The following RABGAP1L variants were observed in gnomAD, a reference collection of about 807,000 sequenced individuals.
RABGAP1L encodes the protein RAB GTPase activating protein 1 like, also known as rab GTPase-activating protein 1-like.
In RABGAP1L, 63 loss-of-function variants were observed where a neutral mutation model predicts 137.7. The ratio of observed to expected loss-of-function variants is 0.46; its 90% CI spans 0.37 to 0.56. The LOEUF is 0.56. RABGAP1L is among the 20% of genes least tolerant of loss of function. RABGAP1L has a pLI of 0.00. For missense variants in RABGAP1L, 1,095 were observed against 1,244.0 expected (o/e 0.88, Z 1.80); for synonymous variants, 431 against 433.7 (o/e 0.99, Z 0.08).
At chr1:174,500,986 T>C (rs1661209117) in intron 13 of RABGAP1L, among the ~76,000 whole-genome samples, 2 of 152,164 alleles carry the variant, frequency 1.3e-5, no homozygotes, top group South Asian at 4.1e-4. Flanking sequence ...ATTGCCTTAA[T>C]TGAGTAGAAG....
At chr1:174,872,933 A>C (rs1652437871) in intron 19 of RABGAP1L, among the ~76,000 whole-genome samples, 1 of 152,160 alleles carries the variant, frequency 6.6e-6, no homozygotes, top group Non-Finnish European at 1.5e-5. Flanking sequence ...GTTTGCATAG[A>C]GTTACCTAGG....
chr1:174,943,927 T>C (rs568443378), intron 19 of RABGAP1L, among the ~76,000 whole-genome samples: 4 of 152,234 alleles, frequency 2.6e-5, no homozygotes, highest in Admixed American at 2.0e-4. Context: ...ACATAGTAAA[T>C]AGTAAATAAA....
chr1:174,671,706 T>C (rs969509357), intron 14 of RABGAP1L, among the ~76,000 whole-genome samples: 1 of 152,174 alleles, frequency 6.6e-6, no homozygotes, highest in African/African-American at 2.4e-5. Flanking sequence ...TTTGGCTTAT[T>C]AGTATTTTGT....
At chr1:174,315,530 A>G (rs957577844) in intron 11 of RABGAP1L, among the ~76,000 whole-genome samples, 6 of 151,154 alleles carry the variant, frequency 4.0e-5, no homozygotes, top group African/African-American at 1.5e-4. Flanking sequence ...TACTTCTGCC[A>G]TTTTGTAATT....
chr1:174,218,712 A>G (rs764807364), intron 1 of RABGAP1L, among the ~76,000 whole-genome samples: 4 of 152,090 alleles, frequency 2.6e-5, no homozygotes, highest in Non-Finnish European at 5.9e-5. Flanking sequence ...TTTAGATTTA[A>G]TTAATATAGC....
chr1:174,510,864 G>A (rs1037938428), intron 13 of RABGAP1L, among the ~76,000 whole-genome samples: 2 of 152,142 alleles, frequency 1.3e-5, no homozygotes, highest in Non-Finnish European at 2.9e-5. Flanking sequence ...ATACTAATTA[G>A]TTGATTTTCA....
intron 17 of RABGAP1L, among the ~76,000 whole-genome samples, chr1:174,702,476 A>G (rs983551934): frequency 1.4e-4 from 21 of 152,182 alleles, no homozygotes; most frequent in Non-Finnish European, 7.3e-5. Context: ...TACAAAGTAA[A>G]ATGGGTGATT....
chr1:174,752,339 T>G lies in RABGAP1L; in HGVS notation c.2196T>G (p.Ala732=). Residue 732 remains alanine, a synonymous_variant, in exon 18 of 26, where the codon GCT becomes GCG. Transcript: ENST00000681986. ...GTTTGAACATAATCTTTCATGTAGCTTTGGCTCTCCTAAAGGTAAGTCTTT... is the reference window on the plus strand; with the variant it reads ...GTTTGAACATAATCTTTCATGTAGCGTTGGCTCTCCTAAAGGTAAGTCTTT... ...CEGLNIIFHV[A]LALLKTSKED... is the part of the protein sequence containing the mutation. 1 of 1,587,816 alleles carries G rather than the reference T, an allele frequency of 6.3e-7. No homozygotes were observed. The highest frequency in any genetic ancestry group is 8.6e-7 in the Non-Finnish European group (1 of 1,166,160).
chr1:174,286,948 C>G (rs539389238), intron 10 of RABGAP1L, among the ~76,000 whole-genome samples: 2 of 151,908 alleles, frequency 1.3e-5, no homozygotes, highest in East Asian at 3.9e-4. Flanking sequence ...TTTTGTGTGT[C>G]TTAACATATT....
intron 13 of RABGAP1L, among the ~76,000 whole-genome samples, chr1:174,547,073 T>G (rs1473579329): frequency 2.7e-5 from 4 of 147,718 alleles, no homozygotes. Flanking sequence ...GCAGTTAAAT[T>G]AACACAAGGC....
intron 19 of RABGAP1L, among the ~76,000 whole-genome samples, chr1:174,929,837 A>G (rs1209049391): frequency 7.0e-6 from 1 of 142,978 alleles, no homozygotes; most frequent in Admixed American, 7.1e-5. Context: ...CTGATTTTAA[A>G]GCAAAATTTA....
At chr1:174,320,432 T>G (rs889684710) in intron 11 of RABGAP1L, among the ~76,000 whole-genome samples, 1 of 152,214 alleles carries the variant, frequency 6.6e-6, no homozygotes, top group African/African-American at 2.4e-5. Flanking sequence ...TTTTTATTGC[T>G]GAGTAGCAAT....
chr1:174,790,881 C>T (rs916587939), intron 18 of RABGAP1L, among the ~76,000 whole-genome samples: 2 of 151,252 alleles, frequency 1.3e-5, no homozygotes, highest in Non-Finnish European at 2.9e-5. Context: ...ACAACATGGA[C>T]TTGTCCATTT....
chr1:174,935,825 T>TA (rs1412526728), intron 19 of RABGAP1L, among the ~76,000 whole-genome samples: 1 of 151,310 alleles, frequency 6.6e-6, no homozygotes, highest in Non-Finnish European at 1.5e-5. Flanking sequence ...CTACTAAAAA[T>TA]AAAAAATTAG....
At chr1:174,381,390 G>T (rs201299598) in intron 12 of RABGAP1L, among the ~76,000 whole-genome samples, 9,048 of 138,290 alleles carry the variant, frequency 0.065, 418 homozygotes, top group East Asian at 0.3. Flanking sequence ...ACAGTGGGGT[G>T]TTAAAGTCTC....
intron 13 of RABGAP1L, among the ~76,000 whole-genome samples, chr1:174,485,003 T>TTG (rs142507373): frequency 2.6e-5 from 4 of 151,868 alleles, no homozygotes; most frequent in East Asian, 3.8e-4. Context: ...ATCTATCCAT[T>TTG]TGTGTGTGTG....
At chr1:174,223,590 A>C (rs937166359) in intron 3 of RABGAP1L, among the ~76,000 whole-genome samples, 1 of 152,136 alleles carries the variant, frequency 6.6e-6, no homozygotes, top group Non-Finnish European at 1.5e-5. Flanking sequence ...AAAATTATAA[A>C]ATGTTATTGA....
chr1:174,486,163 A>G (rs535426210), intron 13 of RABGAP1L, among the ~76,000 whole-genome samples: 106 of 150,298 alleles, frequency 7.1e-4, no homozygotes, highest in Middle Eastern at 3.6e-3. Flanking sequence ...TTGAACATCT[A>G]CAGCATCAGT....
chr1:174,339,194 T>C (rs954779638), intron 11 of RABGAP1L, among the ~76,000 whole-genome samples: 4 of 152,208 alleles, frequency 2.6e-5, no homozygotes, highest in African/African-American at 9.6e-5. Context: ...GTAGAAAATA[T>C]CTTTAAAAAA....
Sources: gnomAD v4.1 joint callset for allele counts (sites outside exome capture counted in the v4.1 genomes callset) on GRCh38, gnomAD v4.1.1 for gene constraint, MANE v1.5 for transcripts, NCBI Gene and HGNC (gene_info 2026-07-23, HGNC 2026-07-21) for gene names.